The following PHEX variants were observed in gnomAD, a reference collection of about 807,000 sequenced individuals.
The protein encoded by PHEX is phosphate-regulating neutral endopeptidase PHEX.
In PHEX, 16 loss-of-function variants were observed where a neutral mutation model predicts 68.0. That is an observed-to-expected ratio of 0.24 (90% CI 0.16 to 0.36). PHEX has a LOEUF of 0.36. Among genes scored for constraint, PHEX ranks in the 10% least tolerant of loss-of-function variants. The probability of loss-of-function intolerance (pLI) is 1.00; values close to 1 mark genes in which losing one functional copy is unlikely to be tolerated. For synonymous variants in PHEX, 208 were observed against 205.1 expected, an observed-to-expected ratio of 1.01 and a Z score of -0.12; for missense variants, 480 against 575.5, an observed-to-expected ratio of 0.83 and a Z score of 1.70.
chrX:22,217,337 G>C (rs1935127038), intron 16 of PHEX, among the ~76,000 whole-genome samples: 1 of 112,279 alleles, frequency 8.9e-6, no homozygotes, highest in African/African-American at 3.2e-5. Context: ...TGGAAAAACA[G>C]TAGGAAGCAT....
At chrX:22,240,033 A>G (rs1264144325) in intron 20 of PHEX, among the ~76,000 whole-genome samples, 2 of 111,505 alleles carry the variant, frequency 1.8e-5, no homozygotes, top group Non-Finnish European at 3.8e-5. Flanking sequence ...CAGACTAACA[A>G]AGGATATTTC....
intron 14 of PHEX, among the ~76,000 whole-genome samples, chrX:22,185,893 T>C (rs1434729203): frequency 1.8e-5 from 2 of 109,147 alleles, no homozygotes; most frequent in Admixed American, 9.8e-5. Context: ...GTAGCTGAGA[T>C]TACAGGTGCC....
At chrX:22,068,338 T>C (rs1260207513) in intron 3 of PHEX, among the ~76,000 whole-genome samples, 2 of 111,651 alleles carry the variant, frequency 1.8e-5, no homozygotes, top group Non-Finnish European at 3.8e-5. Context: ...AGGGAGTAGA[T>C]GGCTCATCAC....
chrX:22,185,157 T>G (rs1933989054), intron 14 of PHEX, among the ~76,000 whole-genome samples: 1 of 112,124 alleles, frequency 8.9e-6, no homozygotes, highest in African/African-American at 3.2e-5. Flanking sequence ...GGATTTGAAA[T>G]TTCTATGAGA....
At chrX:22,138,460 C>T (rs1932324047) in intron 12 of PHEX, among the ~76,000 whole-genome samples, 1 of 111,842 alleles carries the variant, frequency 8.9e-6, no homozygotes, top group Non-Finnish European at 1.9e-5. Flanking sequence ...GTGATGGAGA[C>T]GAAAGGGGTC....
At chrX:22,209,734 TG>T (rs1334769226) in intron 15 of PHEX, among the ~76,000 whole-genome samples, 7 of 80,391 alleles carry the variant, frequency 8.7e-5, no homozygotes, top group African/African-American at 3.0e-4. Flanking sequence ...CTGCTCCCTC[TG>T]CTCCCTCTGC....
intron 3 of PHEX, among the ~76,000 whole-genome samples, chrX:22,051,792 GATAAA>G (rs1270367096): frequency 2.7e-5 from 3 of 110,832 alleles, no homozygotes; most frequent in African/African-American, 9.8e-5. Flanking sequence ...GATAGTATAT[GATAAA>G]ATAATATATC....
intron 2 of PHEX, 84 bp from the exon 3 acceptor site, chrX:22,046,966 T>A (rs911819517): frequency 1.2e-6 from 1 of 808,003 alleles, no homozygotes; most frequent in Non-Finnish European, 1.9e-6. Context: ...AACTGGTTGA[T>A]ATGGAATTGT....
At chrX:22,216,111 G>T (rs982853454) in intron 16 of PHEX, among the ~76,000 whole-genome samples, 2 of 111,741 alleles carry the variant, frequency 1.8e-5, no homozygotes, top group African/African-American at 6.5e-5. Flanking sequence ...CCCAAGCAGG[G>T]TATTATAACC....
chrX:22,140,917 CT>C (rs11294508), intron 12 of PHEX, among the ~76,000 whole-genome samples: 13,905 of 99,606 alleles, frequency 0.14, 1,066 homozygotes, highest in African/African-American at 0.28. Context: ...GAGGTAGGTA[CT>C]TTTTTTTTTT....
intron 3 of PHEX, among the ~76,000 whole-genome samples, chrX:22,056,319 A>T (rs1409224069): frequency 8.9e-6 from 1 of 111,925 alleles, no homozygotes; most frequent in Non-Finnish European, 1.9e-5. Context: ...CCAGCAACTG[A>T]ACCATGTCAT....
intron 15 of PHEX, among the ~76,000 whole-genome samples, chrX:22,206,739 G>A (rs1352883411): frequency 9.0e-6 from 1 of 111,266 alleles, no homozygotes; most frequent in Non-Finnish European, 1.9e-5. Flanking sequence ...CTTTTTGCAT[G>A]TCCTTCTATA....
intron 7 of PHEX, among the ~76,000 whole-genome samples, chrX:22,095,713 A>G (rs757785389): frequency 8.9e-6 from 1 of 112,601 alleles, no homozygotes; most frequent in Admixed American, 9.4e-5. Flanking sequence ...AAGAGGGGCC[A>G]GACGTCTGCC....
At chrX:22,218,010 C>G (rs193057290) in intron 16 of PHEX, among the ~76,000 whole-genome samples, 2 of 110,142 alleles carry the variant, frequency 1.8e-5, no homozygotes, top group East Asian at 5.8e-4. Context: ...GGTCGCTCAA[C>G]TAGGGCTGGA....
rs768673007 is a variant in PHEX at position 22,097,220 on chromosome X, A to T, written c.933+182A>T. 2.5e-4 allele frequency among the ~76,000 whole-genome samples: 28 copies of T among 112,675 alleles called. No individual in the cohort carries two copies. In the South Asian group the frequency reaches 9.9e-3, roughly 40 times the overall value. Reference sequence around the variant, plus strand: ...ATTGGGATGCCTTCTGTTACAGGGAACAAAACATCTTTCCAACAGTGGCTT... The same window carrying T: ...ATTGGGATGCCTTCTGTTACAGGGATCAAAACATCTTTCCAACAGTGGCTT... On this transcript the variant is annotated intron_variant, in intron 8 of 21. Transcript: ENST00000379374.
chrX:22,212,028 A>G (rs1934944402), intron 15 of PHEX, among the ~76,000 whole-genome samples: 1 of 111,861 alleles, frequency 8.9e-6, no homozygotes, highest in Non-Finnish European at 1.9e-5. Context: ...GAGTGGGGAC[A>G]CAGCCAAACC....
chrX:22,103,700 T>C (rs1930533321), intron 9 of PHEX, among the ~76,000 whole-genome samples: 1 of 112,234 alleles, frequency 8.9e-6, no homozygotes, highest in Non-Finnish European at 1.9e-5. Flanking sequence ...TATCCATTCG[T>C]TGGTTGATGG....
At chrX:22,036,330 G>A in intron 1 of PHEX, among the ~76,000 whole-genome samples, 1 of 109,551 alleles carries the variant, frequency 9.1e-6, no homozygotes, top group Non-Finnish European at 1.9e-5. Flanking sequence ...AAAGTGCTGG[G>A]ATTGCAGGCC....
intron 18 of PHEX, among the ~76,000 whole-genome samples, chrX:22,222,570 G>A (rs1378650650): frequency 1.8e-5 from 2 of 111,672 alleles, no homozygotes; most frequent in Admixed American, 9.5e-5. Context: ...ATAAAAGATC[G>A]TTAGTTAATA....
Sources: allele counts gnomAD v4.1 joint callset (sites outside exome capture counted in the v4.1 genomes callset), GRCh38; gene constraint gnomAD v4.1.1; transcripts MANE v1.5; gene names NCBI Gene and HGNC (gene_info 2026-07-23, HGNC 2026-07-21).